Variants in VAMP7 observed in about 807,000 individuals in gnomAD.
VAMP7 encodes the protein vesicle associated membrane protein 7.
VAMP7 carries 14 observed loss-of-function variants against 29.6 expected under a neutral mutation model. The observed-to-expected ratio is 0.47, with a 90% CI of 0.31 to 0.74. The LOEUF (loss-of-function observed/expected upper bound fraction) is 0.74, where lower values mean the gene tolerates loss of function less well. Ranked by LOEUF, VAMP7 falls within the 30% of genes least tolerant of loss-of-function variation. VAMP7 has a pLI of 0.05. For synonymous variants in VAMP7, 95 were observed against 88.1 expected (o/e 1.08, Z -0.44); for missense variants, 223 against 262.4 (o/e 0.85, Z 1.04).
chrX:155,904,538 T>C (rs2066119996), intron 5 of VAMP7, among the ~76,000 whole-genome samples: 1 of 152,026 alleles, frequency 6.6e-6, no homozygotes, highest in Non-Finnish European at 1.5e-5. Context: ...CTGCGATCAA[T>C]TTTGTAACAT....
intron 1 of VAMP7, 117 bp from the exon 2 acceptor site, chrX:155,889,341 T>G: frequency 2.2e-6 from 3 of 1,384,234 alleles, no homozygotes; most frequent in Non-Finnish European, 2.9e-6. Flanking sequence ...AAGTTTCATG[T>G]TATAGTGCCT....
At chrX:155,895,819 A>G (rs1484368233) in intron 3 of VAMP7, 139 bp downstream of exon 3, 1 of 619,312 alleles carries the variant, frequency 1.6e-6, no homozygotes, top group South Asian at 2.2e-5. Context: ...ACCAGGCCAC[A>G]TAGCAGGAGG....
chrX:155,931,654 C>T lies in VAMP7; in HGVS notation c.502-8047C>T, dbSNP rs1370985847. On this transcript the variant is annotated intron_variant, in intron 6 of 7. Transcript: ENST00000286448. ...TAGATTGCAAAACTTTTCTCCCACT[C>T]TGTAGGTTGCCTGTTCACTCTGATG... Among the ~76,000 whole-genome samples, 13 of 152,234 alleles carry T rather than the reference C, an allele frequency of 8.5e-5. No homozygotes were observed. The South Asian group carries it at 1.9e-3, about 22-fold the overall frequency.
At chrX:155,893,267 C>G (rs1175454272) in intron 2 of VAMP7, among the ~76,000 whole-genome samples, 10 of 152,054 alleles carry the variant, frequency 6.6e-5, no homozygotes, top group African/African-American at 2.4e-4. Flanking sequence ...TTGGATATGT[C>G]TAGTAGACAG....
At chrX:155,889,806 T>G (rs1183106939) in intron 2 of VAMP7, among the ~76,000 whole-genome samples, 194 bp downstream of exon 2, 1 of 151,830 alleles carries the variant, frequency 6.6e-6, no homozygotes, top group Non-Finnish European at 1.5e-5. Context: ...TTTTATTCTA[T>G]TATTGAAGTG....
At chrX:155,920,097 A>G (rs1207577215) in intron 6 of VAMP7, among the ~76,000 whole-genome samples, 1 of 152,200 alleles carries the variant, frequency 6.6e-6, no homozygotes, top group Non-Finnish European at 1.5e-5. Context: ...TTTGGTTTGG[A>G]AAACATACTC....
chrX:155,893,978 G>A (rs2065955123), intron 2 of VAMP7, among the ~76,000 whole-genome samples: 1 of 152,192 alleles, frequency 6.6e-6, no homozygotes, highest in South Asian at 2.1e-4. Context: ...TTAGAGTATT[G>A]GAGGAAAAGA....
chrX:155,896,881 T>A (rs1439251362), intron 3 of VAMP7, among the ~76,000 whole-genome samples: 4 of 152,152 alleles, frequency 2.6e-5, no homozygotes, highest in African/African-American at 9.7e-5. Flanking sequence ...TTTCTTTTTT[T>A]AATTTTCCTT....
intron 7 of VAMP7, 133 bp from the exon 8 acceptor site, chrX:155,941,750 G>GTTCCA (rs1181938691): frequency 9.6e-5 from 104 of 1,086,622 alleles, no homozygotes; most frequent in Admixed American, 2.0e-4. Context: ...TGTTTAGTGT[G>GTTCCA]TTCCATTACT....
At chrX:155,889,426 A>G in intron 1 of VAMP7, 32 bp from the exon 2 acceptor site, 1 of 1,604,616 alleles carries the variant, frequency 6.2e-7, no homozygotes, top group Non-Finnish European at 8.5e-7. Flanking sequence ...TCAAAGAAAT[A>G]TTCTAAATCT....
intron 2 of VAMP7, among the ~76,000 whole-genome samples, chrX:155,895,133 A>G (rs1197980815): frequency 6.6e-6 from 1 of 152,128 alleles, no homozygotes; most frequent in African/African-American, 2.4e-5. Flanking sequence ...TGTGATCCCT[A>G]TGAAGACTGG....
At chrX:155,910,662 CAT>C (rs1238782115) in intron 5 of VAMP7, among the ~76,000 whole-genome samples, 1 of 150,662 alleles carries the variant, frequency 6.6e-6, no homozygotes, top group Non-Finnish European at 1.5e-5. Flanking sequence ...ACTGGGGTAA[CAT>C]GATATCTCAT....
chrX:155,931,591 C>A (rs893158511), intron 6 of VAMP7, among the ~76,000 whole-genome samples: 2 of 152,094 alleles, frequency 1.3e-5, no homozygotes, highest in African/African-American at 2.4e-5. Context: ...TGTTTGAGTT[C>A]TTTGTAGAAT....
At chrX:155,908,789 G>C (rs1405175354) in intron 5 of VAMP7, among the ~76,000 whole-genome samples, 1 of 151,882 alleles carries the variant, frequency 6.6e-6, no homozygotes, top group Non-Finnish European at 1.5e-5. Context: ...AAGCTTTTTT[G>C]TTTTTGTTTT....
intron 5 of VAMP7, among the ~76,000 whole-genome samples, chrX:155,913,618 A>T (rs1416120851): frequency 1.3e-5 from 2 of 152,156 alleles, no homozygotes; most frequent in African/African-American, 4.8e-5. Flanking sequence ...AACACCATTT[A>T]TTAAATAGGG....
chrX:155,929,375 A>G (rs1290153295), intron 6 of VAMP7, among the ~76,000 whole-genome samples: 1 of 152,202 alleles, frequency 6.6e-6, no homozygotes, highest in Non-Finnish European at 1.5e-5. Flanking sequence ...TGTCCTTTGT[A>G]TCACAAATTC....
At chrX:155,902,830 CT>C (rs1314654380) in intron 5 of VAMP7, among the ~76,000 whole-genome samples, 1 of 150,046 alleles carries the variant, frequency 6.7e-6, no homozygotes, top group Non-Finnish European at 1.5e-5. Context: ...CTAAAATTCT[CT>C]TTTTTGGTTG....
At chrX:155,910,587 T>G (rs1169349901) in intron 5 of VAMP7, among the ~76,000 whole-genome samples, 3 of 134,106 alleles carry the variant, frequency 2.2e-5, no homozygotes, top group Non-Finnish European at 3.1e-5. Flanking sequence ...TGTGTAAGTG[T>G]TTTTTTTTTT....
At chrX:155,924,360 ATGT>A (rs1280418431) in intron 6 of VAMP7, among the ~76,000 whole-genome samples, 5 of 152,182 alleles carry the variant, frequency 3.3e-5, no homozygotes, top group African/African-American at 1.2e-4. Context: ...TACATCCACA[ATGT>A]TGTGCATCCA....
Sources: gnomAD v4.1 joint callset for allele counts (sites outside exome capture counted in the v4.1 genomes callset) on GRCh38, gnomAD v4.1.1 for gene constraint, MANE v1.5 for transcripts, NCBI Gene and HGNC (gene_info 2026-07-23, HGNC 2026-07-21) for gene names.